The following DBN1 variants were observed in gnomAD, a reference collection of about 807,000 sequenced individuals.
DBN1 encodes the protein drebrin 1.
Under a neutral mutation model 83.5 loss-of-function variants are expected in DBN1, and 21 were observed. The ratio of observed to expected loss-of-function variants is 0.25; its 90% CI spans 0.18 to 0.36. DBN1 has a LOEUF of 0.36. Among genes scored for constraint, DBN1 ranks in the 10% least tolerant of loss-of-function variants. The probability of loss-of-function intolerance (pLI) is 1.00; values close to 1 mark genes in which losing one functional copy is unlikely to be tolerated. For synonymous variants in DBN1, 381 were observed against 384.9 expected, an observed-to-expected ratio of 0.99 and a Z score of 0.12; for missense variants, 874 against 935.7, an observed-to-expected ratio of 0.93 and a Z score of 0.86.
rs1280540375 is a variant in DBN1, at chr5:177,460,438, G to T, written c.949C>A (p.Arg317=). ...GGGTGGGGCCTAGGACTACCTGGTCGATGGTTGAAGGGCGAGGGTACATCA... is the reference window on the plus strand; with the variant it reads ...GGGTGGGGCCTAGGACTACCTGGTCTATGGTTGAAGGGCGAGGGTACATCA... ...SCDVPSPFNH[R]PGRPYCPFIK... The change falls in exon 10 of 15, where the codon CGA becomes AGA. Residue 317 remains arginine (R), a synonymous_variant. Transcript: ENST00000393565. The T allele has an allele frequency of 7.4e-6, 12 of 1,613,830 alleles. No homozygotes were observed. Among genetic ancestry groups the T allele is most frequent in the Non-Finnish European group, 1.0e-5 (12 of 1,179,952 alleles).
chr5:177,467,970 TC>T lies in DBN1; in HGVS notation c.255+137del. 1.6e-6 allele frequency: 2 copies of T among 1,247,954 alleles called. No homozygotes were observed. The highest frequency in any genetic ancestry group is 2.3e-6 in the Non-Finnish European group (2 of 869,180). 77.3% of individuals were successfully genotyped at this position (1,247,954 alleles called of 1,614,324 possible). ...AGGGCGACTGCTCTGGGCCTTCAGT[TC>T]CCTTCCCCAGCCCCGGCCGCATACC... On this transcript the variant is annotated intron_variant, in intron 3 of 14. Coordinates refer to ENST00000393565, the MANE Select transcript of DBN1 (RefSeq NM_001363541.2). This position sits in a 1 kb window ranked among gnomAD's most constrained non-coding sequence, Gnocchi z 9.1.
chr5:177,460,739 C>T (rs778838010), intron 8 of DBN1, 36 bp from the exon 9 acceptor site: 55 of 1,606,070 alleles, frequency 3.4e-5, no homozygotes, highest in Non-Finnish European at 4.3e-5. Flanking sequence ...GTGCACCTAC[C>T]CCCCACAGGG....
At chr5:177,471,971 G>A (rs1757874646) in intron 1 of DBN1, 1 of 802,124 alleles carries the variant, frequency 1.2e-6, no homozygotes, top group African/African-American at 1.8e-5. Flanking sequence ...CCCAGGCGGG[G>A]CCTTATCCCA....
At chr5:177,458,970 C>T (rs1359744394) in intron 12 of DBN1, 128 bp downstream of exon 12, 1 of 1,464,078 alleles carries the variant, frequency 6.8e-7, no homozygotes, top group Admixed American at 2.6e-5. Context: ...CACACAGCCG[C>T]CTCCAGGGCA....
At chr5:177,461,185 G>A (rs564719482) in intron 8 of DBN1, among the ~76,000 whole-genome samples, 8 of 133,358 alleles carry the variant, frequency 6.0e-5, no homozygotes, top group Admixed American at 1.7e-4. Context: ...TGCAAGCTCC[G>A]CCTCCCGGGT....
chr5:177,471,169 A>G (rs1262919625), intron 1 of DBN1, among the ~76,000 whole-genome samples: 1 of 151,064 alleles, frequency 6.6e-6, no homozygotes, highest in Non-Finnish European at 1.5e-5. Context: ...GCTGGGGTGG[A>G]GGGTGAGCTG....
chr5:177,473,585 G>A lies in DBN1; in HGVS notation c.-64C>T. On this transcript the variant is annotated 5_prime_UTR_variant, in exon 1 of 15. Coordinates refer to ENST00000393565, the MANE Select transcript of DBN1 (RefSeq NM_001363541.2). ...ACGGACGGGCGGACGGAGGAGGAGG[G>A]AGGGAAAGAGGGAGTCGCCGCCGCC... 1 of 1,094,954 alleles carries A rather than the reference G, an allele frequency of 9.1e-7. No homozygotes were observed. The highest frequency in any genetic ancestry group is 1.2e-6 in the Non-Finnish European group (1 of 858,944). 67.8% of individuals were successfully genotyped at this position (1,094,954 alleles called of 1,614,324 possible). A position where few individuals can be genotyped will look rare whatever the true frequency, so the allele number is the denominator to read the frequency against.
intron 8 of DBN1, among the ~76,000 whole-genome samples, chr5:177,464,962 G>A (rs1421069219): frequency 1.3e-5 from 2 of 152,050 alleles, no homozygotes; most frequent in African/African-American, 4.8e-5. Flanking sequence ...AGACCACCCT[G>A]GCTAACATGG....
chr5:177,460,410 G>C (rs376708749), intron 10 of DBN1, 22 bp downstream of exon 10: 2 of 1,612,610 alleles, frequency 1.2e-6, no homozygotes, highest in South Asian at 1.1e-5. Context: ...GGGGCCGGAC[G>C]GGGGGTGGGG....
rs757220950 is a variant in DBN1, at chr5:177,467,643, G to C, written c.331-16C>G. 6.4e-7 allele frequency: 1 copy of C among 1,568,740 alleles called. No homozygotes were observed. Among genetic ancestry groups the C allele is most frequent in the South Asian group, 1.2e-5 (1 of 85,798 alleles). On this transcript the variant is annotated splice_polypyrimidine_tract_variant and intron_variant, in intron 4 of 14. Coordinates refer to ENST00000393565, the MANE Select transcript of DBN1 (RefSeq NM_001363541.2). The surrounding 1 kb of genome is among the most constrained non-coding windows in gnomAD (Gnocchi z 9.1). ...CGTCGACACCCTTCCGCAAGAAGACGGCAGTGCTCAGGCGGCACCATCCTC... is the reference window on the plus strand; with the variant it reads ...CGTCGACACCCTTCCGCAAGAAGACCGCAGTGCTCAGGCGGCACCATCCTC...
intron 1 of DBN1, among the ~76,000 whole-genome samples, chr5:177,469,779 TGCAGGCCCAG>T (rs1296837143): frequency 1.3e-5 from 2 of 152,128 alleles, no homozygotes; most frequent in Non-Finnish European, 2.9e-5. Flanking sequence ...CATCACCCCA[TGCAGGCCCAG>T]GCTGAGGACC....
chr5:177,468,358 CCA>C, intron 2 of DBN1, 138 bp from the exon 3 acceptor site: 5 of 701,088 alleles, frequency 7.1e-6, no homozygotes, highest in Admixed American at 2.5e-5. Flanking sequence ...TCTGTGGGTC[CCA>C]GTTTTGTGTT....
At position 177,458,069 on chromosome 5, in the gene DBN1, C is replaced by T; in HGVS notation, c.1903G>A (p.Glu635Lys). ...LLTNGETTQK[E>K]GTQASEGYFS... is the part of the protein sequence containing the mutation. ...AGTCCCTGCCGCACCTGGGTCCCCT[C>T]CTTCTGGGTGGTCTCGCCATTGGTT... The change falls in exon 13 of 15, where the codon GAG (glutamate) becomes AAG (lysine). Residue 635 changes from glutamate (E) to lysine (K), a missense_variant. By Grantham distance (56) the Glu-to-Lys change is moderately conservative (BLOSUM62 1). Coordinates refer to ENST00000393565, the MANE Select transcript of DBN1 (RefSeq NM_001363541.2). 6.2e-7 allele frequency: 1 copy of T among 1,613,874 alleles called. No individual in the cohort carries two copies. The highest frequency in any genetic ancestry group is 8.5e-7 in the Non-Finnish European group (1 of 1,180,014).
intron 1 of DBN1, chr5:177,472,995 G>C (rs1757960343): frequency 4.1e-6 from 1 of 245,262 alleles, no homozygotes; most frequent in Non-Finnish European, 6.5e-6. Flanking sequence ...GAGCCGGGCA[G>C]GCTGCGCTGG....
Position 177,456,671 on chromosome 5 carries a change from T to TC in DBN1, c.*761dup, listed in dbSNP as rs1756492658. 4.0e-5 allele frequency: 3 copies of TC among 75,284 alleles called. No individual in the cohort carries two copies. The South Asian group carries it at 1.5e-3, about 38-fold the overall frequency. The allele number at this position is 75,284 out of a possible 1,614,324, so 4.7% of individuals were successfully genotyped here. The stretch of plus-strand genomic sequence containing the variant: ...CGACCCGTTACAGAAGTTTGTGCTT[T>TC]CCAAAAAAAAAAAAAAAAAAAAAAA... On this transcript the variant is annotated 3_prime_UTR_variant, in exon 15 of 15. Coordinates refer to ENST00000393565, the MANE Select transcript of DBN1 (RefSeq NM_001363541.2).
Position 177,466,981 on chromosome 5 carries a change from G to T in DBN1, c.637C>A (p.Gln213Lys). Residue 213 changes from glutamine (Q) to lysine (K), a missense_variant, in exon 7 of 15, where the codon CAG becomes AAG. Gln to Lys is a moderately conservative substitution (Grantham distance 53, BLOSUM62 1). Transcript: ENST00000393565. The surrounding 1 kb of genome is among the most constrained non-coding windows in gnomAD (Gnocchi z 4.8). ...CGCTCCTCTTGCTCCTGCCGCTCCT[G>T]CTCCATCCGCTCCTGCTCGAACCTG... The part of the protein sequence containing the change: ...RLRFEQERME[Q>K]ERQEQEERER... 6.2e-7 allele frequency: 1 copy of T among 1,613,238 alleles called. No homozygotes were observed.
intron 1 of DBN1, chr5:177,472,971 G>T: frequency 5.0e-6 from 2 of 403,786 alleles, no homozygotes; most frequent in Non-Finnish European, 6.7e-6. Context: ...TTTGTGCTGT[G>T]GCCGGGCCGG....
At position 177,466,782 on chromosome 5, in the gene DBN1, T is replaced by C; in HGVS notation, c.761A>G (p.Gln254Arg). The C allele has an allele frequency of 6.2e-7, 1 of 1,614,166 alleles. No homozygotes were observed. The highest frequency in any genetic ancestry group is 8.5e-7 in the Non-Finnish European group (1 of 1,180,008). The change falls in exon 8 of 15, where the codon CAG (glutamine) becomes CGG (arginine). Residue 254 changes from glutamine to arginine, a missense_variant. This residue lies in a region of DBN1 where 725 missense variants were observed against 719.7 expected (regional missense o/e 1.01). Transcript: ENST00000393565. This position sits in a 1 kb window ranked among gnomAD's most constrained non-coding sequence, Gnocchi z 4.8. ...TGGCAAAGAACTTACAAAGATAGACTGCTCCTTCAACCGCCTCTTGGCCTC... is the reference window on the plus strand; with the variant it reads ...TGGCAAAGAACTTACAAAGATAGACCGCTCCTTCAACCGCCTCTTGGCCTC... ...AEEAKRRLKE[Q>R]SIFGDHRDEE...
chr5:177,464,670 G>A (rs183605584), intron 8 of DBN1, among the ~76,000 whole-genome samples: 29 of 151,828 alleles, frequency 1.9e-4, no homozygotes, highest in Non-Finnish European at 3.5e-4. Flanking sequence ...TGCTGGGTGC[G>A]GTGGCTCATG....
Sources: allele counts gnomAD v4.1 joint callset (sites outside exome capture counted in the v4.1 genomes callset), GRCh38; gene constraint gnomAD v4.1.1; regional missense constraint gnomAD v4.1.1; non-coding constraint Gnocchi (gnomAD v3.1); transcripts MANE v1.5; gene names NCBI Gene and HGNC (gene_info 2026-07-23, HGNC 2026-07-21).